Variants in ABLIM2 observed in about 807,000 individuals in gnomAD.
ABLIM2 encodes the protein actin-binding LIM protein 2.
A neutral mutation model predicts 97.7 loss-of-function variants in ABLIM2; 53 were observed. The observed-to-expected ratio is 0.54, with a 90% CI of 0.44 to 0.68. The LOEUF (loss-of-function observed/expected upper bound fraction) is 0.68, where lower values mean the gene tolerates loss of function less well. Among genes scored for constraint, ABLIM2 ranks in the 30% least tolerant of loss-of-function variants. The pLI, the probability that ABLIM2 is intolerant of heterozygous loss-of-function variation, is 0.00. For missense variants in ABLIM2, 835 were observed against 867.2 expected, an observed-to-expected ratio of 0.96 and a Z score of 0.47; for synonymous variants, 361 against 345.8, an observed-to-expected ratio of 1.04 and a Z score of -0.49.
Position 8,147,387 on chromosome 4 carries a change from C to G in ABLIM2, c.10+11293G>C, listed in dbSNP as rs11947377. Among the ~76,000 whole-genome samples, 1 of 152,098 alleles carries G rather than the reference C, an allele frequency of 6.6e-6. No individual in the cohort carries two copies. The highest frequency in any genetic ancestry group is 1.5e-5 in the Non-Finnish European group (1 of 68,014). On this transcript the variant is annotated intron_variant, in intron 1 of 20. Coordinates refer to ENST00000447017, the MANE Select transcript of ABLIM2 (RefSeq NM_001130083.2). The surrounding 1 kb of genome is among the most constrained non-coding windows in gnomAD (Gnocchi z 5.3). ...CCTGTGCCCGGCTGAGTAATGCCTC[C>G]CCCAGAAGATATCCCCATCTAATCG...
intron 16 of ABLIM2, among the ~76,000 whole-genome samples, 191 bp from the exon 17 acceptor site, chr4:7,993,118 G>A (rs1014647268): frequency 2.0e-5 from 3 of 152,212 alleles, no homozygotes; most frequent in African/African-American, 7.2e-5. Context: ...GGAAGCCACA[G>A]AGGGGTAATG....
rs1003062073 is a variant in ABLIM2 at position 7,986,575 on chromosome 4, G to GC, written c.1681-1683dup. On this transcript the variant is annotated intron_variant, in intron 17 of 20. Coordinates refer to ENST00000447017, the MANE Select transcript of ABLIM2 (RefSeq NM_001130083.2). This position sits in a 1 kb window ranked among gnomAD's most constrained non-coding sequence, Gnocchi z 4.3. ...ACTGCATTTTCTTCTTTAGTGCCTT[G>GC]CTCCCTCACTCTAGTTCTGGGCCTG... Among the ~76,000 whole-genome samples the GC allele has an allele frequency of 2.0e-5, 3 of 152,124 alleles. No individual in the cohort carries two copies. The highest frequency in any genetic ancestry group is 4.4e-5 in the Non-Finnish European group (3 of 68,030).
chr4:8,073,718 A>G (rs1156821512), intron 6 of ABLIM2, among the ~76,000 whole-genome samples: 2 of 152,372 alleles, frequency 1.3e-5, no homozygotes, highest in African/African-American at 4.8e-5. Flanking sequence ...CCCGCACAGA[A>G]GGCACAAAGA....
intron 16 of ABLIM2, chr4:8,007,340 C>T (rs1226273592): frequency 1.0e-6 from 1 of 985,318 alleles, no homozygotes; most frequent in Non-Finnish European, 1.2e-6. Flanking sequence ...CTTCTGCTCT[C>T]ACACCCCCAT....
At chr4:8,154,277 TTTTC>T (rs1363676157) in intron 1 of ABLIM2, among the ~76,000 whole-genome samples, 6 of 92,442 alleles carry the variant, frequency 6.5e-5, no homozygotes, top group Admixed American at 6.1e-4. Context: ...TTTTCTTTTC[TTTTC>T]TTTTTTTTTT....
chr4:8,067,309 G>C lies in ABLIM2; in HGVS notation c.676-6255C>G, dbSNP rs1290428597. ...GCCCTCCTCCCACACCCAACGCACA[G>C]ACACAGGAAAAGGAAGGGTCGCAGA... On this transcript the variant is annotated intron_variant, in intron 6 of 20. Coordinates refer to ENST00000447017, the MANE Select transcript of ABLIM2 (RefSeq NM_001130083.2). The surrounding 1 kb of genome is among the most constrained non-coding windows in gnomAD (Gnocchi z 5.4). 2.0e-5 allele frequency: 3 copies of C among 152,486 alleles called. No individual in the cohort carries two copies. The highest frequency in any genetic ancestry group is 4.4e-5 in the Non-Finnish European group (3 of 68,246). 9.4% of individuals were successfully genotyped at this position (152,486 alleles called of 1,614,324 possible).
intron 3 of ABLIM2, among the ~76,000 whole-genome samples, chr4:8,093,222 A>G (rs1186623147): frequency 3.3e-5 from 5 of 152,180 alleles, no homozygotes; most frequent in Non-Finnish European, 7.3e-5. Context: ...TTTGTAAATA[A>G]TCAATATTTT....
rs1846740652 is a variant in ABLIM2 at position 8,124,120 on chromosome 4, C to A, written c.11-17483G>T. Among the ~76,000 whole-genome samples the A allele has an allele frequency of 6.6e-6, 1 of 152,296 alleles. No individual in the cohort carries two copies. The highest frequency in any genetic ancestry group is 3.4e-3 in the Middle Eastern group (1 of 294). The stretch of plus-strand genomic sequence containing the variant: ...CACACACCTGGGACATATGATATGA[C>A]ATCACAACCTAGAATAATTCATCTA... On this transcript the variant is annotated intron_variant, in intron 1 of 20. Transcript: ENST00000447017. The surrounding 1 kb of genome is among the most constrained non-coding windows in gnomAD (Gnocchi z 6.1).
rs185210785 is a variant in ABLIM2, at chr4:8,003,348, C to T, written c.1618+4711G>A. Among the ~76,000 whole-genome samples, 3 of 152,260 alleles carry T rather than the reference C, an allele frequency of 2.0e-5. No individual in the cohort carries two copies. Among genetic ancestry groups the T allele is most frequent in the East Asian group, 1.9e-4 (1 of 5,174 alleles). Reference sequence around the variant, plus strand: ...AGAGGGCTGGCCGTCTCATGTCATTCGCTGAATGCTGTACTGAGAGTGAGA... The same window carrying T: ...AGAGGGCTGGCCGTCTCATGTCATTTGCTGAATGCTGTACTGAGAGTGAGA... On this transcript the variant is annotated intron_variant, in intron 16 of 20. Coordinates refer to ENST00000447017, the MANE Select transcript of ABLIM2 (RefSeq NM_001130083.2). The surrounding 1 kb of genome is among the most constrained non-coding windows in gnomAD (Gnocchi z 4.2).
chr4:7,969,903 G>A (rs1215425285), intron 20 of ABLIM2, among the ~76,000 whole-genome samples: 2 of 152,118 alleles, frequency 1.3e-5, no homozygotes, highest in African/African-American at 4.8e-5. Flanking sequence ...GTTTCTTGGT[G>A]CTGAGAAATC....
chr4:8,144,763 T>G (rs1407243844), intron 1 of ABLIM2, among the ~76,000 whole-genome samples: 1 of 152,218 alleles, frequency 6.6e-6, no homozygotes, highest in Non-Finnish European at 1.5e-5. Context: ...CAGCCAGTGT[T>G]ATGACCCCCG....
rs1179531578 is a variant in ABLIM2, at chr4:8,087,310, C to A, written c.454+859G>T. Among the ~76,000 whole-genome samples the A allele has an allele frequency of 6.6e-6, 1 of 152,220 alleles. No homozygotes were observed. The highest frequency in any genetic ancestry group is 6.5e-5 in the Admixed American group (1 of 15,286). On this transcript the variant is annotated intron_variant, in intron 4 of 20. Transcript: ENST00000447017. This position sits in a 1 kb window ranked among gnomAD's most constrained non-coding sequence, Gnocchi z 4.6. ...GCAGAGCCACCCCAGCTGGGAAAGG[C>A]CACCTGGCTGCCCACTCCTTGCTGA...
intron 20 of ABLIM2, among the ~76,000 whole-genome samples, chr4:7,971,989 T>C (rs1185905028): frequency 2.0e-5 from 3 of 152,122 alleles, no homozygotes; most frequent in Non-Finnish European, 2.9e-5. Flanking sequence ...CACACTGCCT[T>C]GGCCTGCACA....
At position 8,005,208 on chromosome 4, in the gene ABLIM2, C is replaced by T. The variant is rs1047083451; in HGVS notation, c.1618+2851G>A. On this transcript the variant is annotated intron_variant, in intron 16 of 20. Coordinates refer to ENST00000447017, the MANE Select transcript of ABLIM2 (RefSeq NM_001130083.2). The surrounding 1 kb of genome is among the most constrained non-coding windows in gnomAD (Gnocchi z 4.9). ...GATGCGTGTGCGCTCGCTCTGTCGG[C>T]GTCTCTGCCTCTCTCAGCTCCCTGC... is the stretch of plus-strand genomic sequence containing the variant. 11 of 455,506 alleles carry T rather than the reference C, an allele frequency of 2.4e-5. 1 individual carries two copies. Among genetic ancestry groups the T allele is most frequent in the Middle Eastern group, 8.0e-4 (1 of 1,244 alleles). 28.2% of individuals were successfully genotyped at this position (455,506 alleles called of 1,614,324 possible). A position where few individuals can be genotyped will look rare whatever the true frequency, so the allele number is the denominator to read the frequency against.
chr4:8,081,800 C>A (rs149827433), intron 4 of ABLIM2, among the ~76,000 whole-genome samples: 8 of 152,250 alleles, frequency 5.3e-5, no homozygotes, highest in African/African-American at 1.7e-4. Flanking sequence ...AAGGTGAACA[C>A]CTGGTGACAA....
chr4:8,077,409 G>C (rs1346953748), intron 6 of ABLIM2, among the ~76,000 whole-genome samples: 1 of 152,226 alleles, frequency 6.6e-6, no homozygotes, highest in East Asian at 1.9e-4. Flanking sequence ...AAGAGGCACA[G>C]AAGAGAGCAT....
In ABLIM2 at chr4:8,044,942, C is replaced by T. The variant is rs1791322433; in HGVS notation, c.900+222G>A. ...GTCACCAGATAATTGGGGACAGGTT[C>T]CCAGGGGAATTGCCGGGTCAAACAA... is the stretch of plus-strand genomic sequence containing the variant. On this transcript the variant is annotated intron_variant, in intron 9 of 20. Transcript: ENST00000447017. The surrounding 1 kb of genome is among the most constrained non-coding windows in gnomAD (Gnocchi z 4.4). Among the ~76,000 whole-genome samples, 1 of 152,172 alleles carries T rather than the reference C, an allele frequency of 6.6e-6. No homozygotes were observed.
chr4:8,056,290 C>CTTCT (rs1187450644), intron 7 of ABLIM2, among the ~76,000 whole-genome samples: 3 of 146,512 alleles, frequency 2.0e-5, no homozygotes, highest in South Asian at 2.2e-4. Flanking sequence ...TACACAGTTT[C>CTTCT]TTCTTTCTTT....
chr4:8,138,113 T>C (rs1205866432), intron 1 of ABLIM2, among the ~76,000 whole-genome samples: 1 of 152,064 alleles, frequency 6.6e-6, no homozygotes, highest in Non-Finnish European at 1.5e-5. Context: ...CCTAGAGTTG[T>C]TGAATCCACA....
Sources: gnomAD v4.1 joint callset for allele counts (sites outside exome capture counted in the v4.1 genomes callset) on GRCh38, gnomAD v4.1.1 for gene constraint, Gnocchi (gnomAD v3.1) non-coding constraint, MANE v1.5 for transcripts, NCBI Gene and HGNC (gene_info 2026-07-23, HGNC 2026-07-21) for gene names.